FAM186B: variants seen among roughly 807,000 people sequenced by gnomAD.
The protein encoded by FAM186B is protein FAM186B.
A neutral mutation model predicts 83.4 loss-of-function variants in FAM186B; 68 were observed. The observed-to-expected ratio is 0.81, with a 90% CI of 0.67 to 1.00. FAM186B has a LOEUF of 1.00. FAM186B is among the 50% of genes least tolerant of loss of function. The pLI, the probability that FAM186B is intolerant of heterozygous loss-of-function variation, is 0.00. For missense variants in FAM186B, 983 were observed against 1,099.2 expected (o/e 0.89, Z 1.49); for synonymous variants, 389 against 422.0 (o/e 0.92, Z 0.96).
rs1939967720 is a variant in FAM186B at position 49,604,459 on chromosome 12, T to G, written c.176A>C (p.Asp59Ala). ...INRFQEELGY[D>A]LKENAKSQQR... is the part of the protein sequence containing the mutation. ...CTGAGATTTGGCATTTTCTTTTAAA[T>G]CATATCCTAATTCTTCCTGGAAGCG... is the stretch of plus-strand genomic sequence containing the variant. The change falls in exon 2 of 7, where the codon GAT (aspartate) becomes GCT (alanine). Residue 59 changes from aspartate (D) to alanine (A), a missense_variant. Asp to Ala is a moderately radical substitution (Grantham distance 126, BLOSUM62 -2). Coordinates refer to ENST00000257894, the MANE Select transcript of FAM186B (RefSeq NM_032130.3). The G allele has an allele frequency of 2.5e-6, 4 of 1,614,248 alleles. No individual in the cohort carries two copies. Among genetic ancestry groups the G allele is most frequent in the Non-Finnish European group, 3.4e-6 (4 of 1,180,046 alleles).
chr12:49,584,758 CA>C, downstream of FAM186B: 1 of 617,488 alleles, frequency 1.6e-6, no homozygotes, highest in South Asian at 1.9e-5. Context: ...CTGCTCAACA[CA>C]ACGTCCTCCC....
the FAM186B span, among the ~76,000 whole-genome samples, chr12:49,613,666 C>T: frequency 2.0e-5 from 3 of 151,534 alleles, no homozygotes; most frequent in African/African-American, 7.3e-5. Context: ...TGGGAAAACC[C>T]CATCTCTACA....
Position 49,600,045 on chromosome 12 carries a change from C to T in FAM186B, c.1595G>A (p.Arg532Gln), listed in dbSNP as rs557621248. Residue 532 changes from arginine (R) to glutamine (Q), a missense_variant, in exon 4 of 7, where the codon CGG (arginine) becomes CAG (glutamine). Transcript: ENST00000257894. The surrounding 1 kb of genome is among the most constrained non-coding windows in gnomAD (Gnocchi z 4.3). ...NLEDLAREQQ[R>Q]RWVQLEKEQE... ...CTCCTTTTCTAGCTGGACCCATCTC[C>T]GCTGTTGCTCCCTGGCCAGGTCTTC... 9.8e-5 allele frequency: 158 copies of T among 1,606,226 alleles called. No homozygotes were observed. The highest frequency in any genetic ancestry group is 2.0e-4 in the East Asian group (9 of 44,816).
chr12:49,594,393 C>A (rs1248994645), intron 5 of FAM186B: 1 of 155,966 alleles, frequency 6.4e-6, no homozygotes, highest in African/African-American at 2.4e-5. Context: ...TCAAGAACCC[C>A]AGTGGACGCC....
upstream of FAM186B, among the ~76,000 whole-genome samples, chr12:49,606,610 A>G (rs1940029017): frequency 6.6e-6 from 1 of 152,206 alleles, no homozygotes; most frequent in Admixed American, 6.5e-5. Flanking sequence ...TATATACCTA[A>G]TAACATTGCT....
At chr12:49,617,710 T>C in the FAM186B span, among the ~76,000 whole-genome samples, 3 of 151,836 alleles carry the variant, frequency 2.0e-5, no homozygotes, top group Non-Finnish European at 4.4e-5. Context: ...AGTTAAAATA[T>C]ACTTAAAGTT....
downstream of FAM186B, chr12:49,587,370 G>T: frequency 1.8e-6 from 1 of 560,910 alleles, no homozygotes. Context: ...GCCCCCTGGT[G>T]GCCTCTGAGA....
downstream of FAM186B, chr12:49,584,375 C>G: frequency 1.5e-6 from 1 of 648,348 alleles, no homozygotes; most frequent in Non-Finnish European, 2.8e-6. Context: ...ACTCAGCAAC[C>G]CCCAGAGGGT....
the FAM186B span, among the ~76,000 whole-genome samples, chr12:49,613,877 G>A: frequency 7.3e-3 from 1,103 of 151,076 alleles, 11 homozygotes; most frequent in African/African-American, 0.025. Context: ...GGCCGGGCGC[G>A]GTGGCTCACA....
downstream of FAM186B, chr12:49,584,471 T>G (rs952897055): frequency 2.3e-5 from 16 of 701,868 alleles, no homozygotes; most frequent in Non-Finnish European, 3.4e-5. Context: ...AATCACTGGC[T>G]GAGGGATGCA....
At chr12:49,591,588 A>G (rs1242767450) in intron 5 of FAM186B, among the ~76,000 whole-genome samples, 10 of 118,358 alleles carry the variant, frequency 8.4e-5, no homozygotes, top group African/African-American at 3.2e-4. Context: ...GATACCCAAA[A>G]TACATTTGGA....
At chr12:49,615,980 A>C in the FAM186B span, among the ~76,000 whole-genome samples, 2 of 151,976 alleles carry the variant, frequency 1.3e-5, no homozygotes, top group African/African-American at 4.8e-5. Context: ...TGAAACTCTT[A>C]TATGGTATAT....
At chr12:49,603,402 G>A (rs748317153) in intron 2 of FAM186B, 35 bp from the exon 3 acceptor site, 1 of 1,610,444 alleles carries the variant, frequency 6.2e-7, no homozygotes, top group Non-Finnish European at 8.5e-7. Context: ...GCTGAGAGCA[G>A]TCTGTCCTCC....
chr12:49,600,358 T>C lies in FAM186B; in HGVS notation c.1282A>G (p.Lys428Glu). Residue 428 changes from lysine (K) to glutamate (E), a missense_variant, in exon 4 of 7, where the codon AAA becomes GAA. Transcript: ENST00000257894. The surrounding 1 kb of genome is among the most constrained non-coding windows in gnomAD (Gnocchi z 4.3). Reference protein sequence around the residue: ...LPLVDRRFPKKWERPVAESLG... With the variant: ...LPLVDRRFPKEWERPVAESLG... ...CTTTCTGCCACCGGTCTTTCCCATT[T>C]CTTAGGAAACCTGCGATCTACTAAG... The C allele has an allele frequency of 6.2e-7, 1 of 1,614,180 alleles. No homozygotes were observed.
the FAM186B span, among the ~76,000 whole-genome samples, chr12:49,613,155 G>A: frequency 2.0e-5 from 3 of 152,108 alleles, no homozygotes; most frequent in African/African-American, 7.2e-5. Flanking sequence ...ATAAAATTAA[G>A]GCAGAAATCA....
At chr12:49,598,722 G>A (rs761939567) in intron 5 of FAM186B, 33 bp downstream of exon 5, 61 of 1,533,584 alleles carry the variant, frequency 4.0e-5, no homozygotes, top group Middle Eastern at 4.6e-4. Context: ...CCCAGGAGGC[G>A]GAGTGGCGGG....
chr12:49,584,990 G>A (rs1939410037), downstream of FAM186B, among the ~76,000 whole-genome samples: 1 of 151,932 alleles, frequency 6.6e-6, no homozygotes, highest in Non-Finnish European at 1.5e-5. Context: ...GCATCTCGGT[G>A]TACACGTGTA....
intron 3 of FAM186B, among the ~76,000 whole-genome samples, chr12:49,601,911 A>G (rs1939904496): frequency 6.6e-6 from 1 of 152,210 alleles, no homozygotes; most frequent in Non-Finnish European, 1.5e-5. Flanking sequence ...GGTAGAGGAA[A>G]TATAAAAATT....
In FAM186B at chr12:49,600,933, A is replaced by G. The variant is rs774444349; in HGVS notation, c.707T>C (p.Met236Thr). ...GTTGAGGTTCTCCACCACAGTGGCC[A>G]TGTACCTGATGGCCCTGACCTCCCC... ...SKGEVRAIRY[M>T]ATVVENLNKA... is the part of the protein sequence containing the mutation. Residue 236 changes from methionine (M) to threonine (T), a missense_variant, in exon 4 of 7, where the codon ATG becomes ACG. By Grantham distance (81) the Met-to-Thr change is moderately conservative. Coordinates refer to ENST00000257894, the MANE Select transcript of FAM186B (RefSeq NM_032130.3). This position sits in a 1 kb window ranked among gnomAD's most constrained non-coding sequence, Gnocchi z 4.3. 3.1e-6 allele frequency: 5 copies of G among 1,614,096 alleles called. No individual in the cohort carries two copies. The East Asian group carries it at 8.9e-5, about 29-fold the overall frequency.
Sources: allele counts gnomAD v4.1 joint callset (sites outside exome capture counted in the v4.1 genomes callset), GRCh38; gene constraint gnomAD v4.1.1; non-coding constraint Gnocchi (gnomAD v3.1); transcripts MANE v1.5; gene names NCBI Gene and HGNC (gene_info 2026-07-23, HGNC 2026-07-21).